Variants in LSAMP observed in about 807,000 individuals in gnomAD.
LSAMP encodes the protein limbic system-associated membrane protein.
In LSAMP, 7 loss-of-function variants were observed where a neutral mutation model predicts 38.6. The ratio of observed to expected loss-of-function variants is 0.18; its 90% CI spans 0.10 to 0.34. The LOEUF is 0.34. LSAMP is among the 10% of genes least tolerant of loss of function. The probability of loss-of-function intolerance (pLI) is 1.00; values close to 1 mark genes in which losing one functional copy is unlikely to be tolerated. For synonymous variants in LSAMP, 154 were observed against 166.8 expected, an observed-to-expected ratio of 0.92 and a Z score of 0.59; for missense variants, 313 against 420.0, an observed-to-expected ratio of 0.75 and a Z score of 2.23.
intron 1 of LSAMP, among the ~76,000 whole-genome samples, chr3:116,263,368 T>G (rs1217065665): frequency 6.6e-6 from 1 of 152,014 alleles, no homozygotes; most frequent in African/African-American, 2.4e-5. Context: ...TGAAACCCCA[T>G]TTCTACTAAA....
intron 6 of LSAMP, among the ~76,000 whole-genome samples, chr3:115,841,406 C>G (rs1195173343): frequency 2.6e-5 from 4 of 152,190 alleles, no homozygotes; most frequent in Non-Finnish European, 5.9e-5. Context: ...TCTCCCTTCT[C>G]TCAGCACCTT....
chr3:115,955,751 AC>A (rs1480175345), intron 3 of LSAMP, among the ~76,000 whole-genome samples: 11 of 152,326 alleles, frequency 7.2e-5, no homozygotes, highest in African/African-American at 2.4e-4. Context: ...TGCTATTCTT[AC>A]AGCACCCACA....
At chr3:116,152,242 C>T (rs1304700131) in intron 1 of LSAMP, among the ~76,000 whole-genome samples, 1 of 152,140 alleles carries the variant, frequency 6.6e-6, no homozygotes, top group Non-Finnish European at 1.5e-5. Context: ...ACAGAAAACA[C>T]ACTGAGGGCA....
At chr3:115,810,888 C>CG (rs1337215430) in intron 6 of LSAMP, among the ~76,000 whole-genome samples, 3 of 152,068 alleles carry the variant, frequency 2.0e-5, no homozygotes, top group Admixed American at 2.0e-4. Flanking sequence ...CCTCTGTCCC[C>CG]GGGGGGAGGC....
intron 3 of LSAMP, among the ~76,000 whole-genome samples, chr3:115,965,080 G>A (rs1232160412): frequency 1.3e-5 from 2 of 151,922 alleles, no homozygotes; most frequent in African/African-American, 4.8e-5. Context: ...ATACCTGATG[G>A]CAAAAAATAC....
At chr3:116,376,680 A>G (rs1202131998) in intron 1 of LSAMP, among the ~76,000 whole-genome samples, 1 of 152,038 alleles carries the variant, frequency 6.6e-6, no homozygotes, top group African/African-American at 2.4e-5. Context: ...GGTATTTTTT[A>G]CTGATGCCAG....
At chr3:116,093,284 A>G (rs1708162759) in intron 1 of LSAMP, among the ~76,000 whole-genome samples, 1 of 152,138 alleles carries the variant, frequency 6.6e-6, no homozygotes, top group South Asian at 2.1e-4. Context: ...GGGTGTTGCT[A>G]AACATCCTAC....
intron 1 of LSAMP, among the ~76,000 whole-genome samples, chr3:116,359,035 C>T (rs1191751729): frequency 2.0e-5 from 3 of 152,178 alleles, no homozygotes; most frequent in South Asian, 2.1e-4. Context: ...CTACACTAAA[C>T]CTAGTTTCTA....
intron 1 of LSAMP, among the ~76,000 whole-genome samples, chr3:116,295,719 T>A (rs1008682788): frequency 3.3e-5 from 5 of 152,148 alleles, no homozygotes; most frequent in African/African-American, 1.2e-4. Flanking sequence ...TGAATTAGAA[T>A]TTAGAAGGGG....
At chr3:116,274,691 T>A (rs2047023228) in intron 1 of LSAMP, among the ~76,000 whole-genome samples, 1 of 152,096 alleles carries the variant, frequency 6.6e-6, no homozygotes, top group African/African-American at 2.4e-5. Flanking sequence ...AATAAGGTGT[T>A]TTACTTCCTT....
chr3:116,224,672 C>A (rs914426629), intron 1 of LSAMP, among the ~76,000 whole-genome samples: 3 of 152,142 alleles, frequency 2.0e-5, no homozygotes, highest in Non-Finnish European at 4.4e-5. Flanking sequence ...AATTTAGACA[C>A]CTGAGAGAAA....
intron 1 of LSAMP, among the ~76,000 whole-genome samples, chr3:116,242,260 C>T (rs1253562600): frequency 2.6e-5 from 4 of 152,114 alleles, no homozygotes; most frequent in African/African-American, 9.7e-5. Context: ...GAGAGCTGAA[C>T]GGCAAAGAGC....
chr3:116,134,333 C>T (rs1709199607), intron 1 of LSAMP, among the ~76,000 whole-genome samples: 2 of 152,106 alleles, frequency 1.3e-5, no homozygotes, highest in Admixed American at 1.3e-4. Context: ...TCACCACCAT[C>T]TTTTCTCTTC....
At chr3:115,964,086 A>G (rs9283564) in intron 3 of LSAMP, among the ~76,000 whole-genome samples, 21,851 of 152,160 alleles carry the variant, frequency 0.14, 1,865 homozygotes, top group Non-Finnish European at 0.2. Flanking sequence ...CATCTCAATT[A>G]CTAGAGTTTT....
rs6781359 is a variant in LSAMP at position 116,118,684 on chromosome 3, T to C, written c.156-32128A>G. Among the ~76,000 whole-genome samples, 1,009 of 152,276 alleles carry C rather than the reference T, an allele frequency of 6.6e-3. 13 individuals are homozygous for C. The highest frequency in any genetic ancestry group is 0.022 in the African/African-American group (923 of 41,548). ...GACCAGAGGCTCTATCTGCTCATCT[T>C]TGTATACACAACACCCACACACATG... On this transcript the variant is annotated intron_variant, in intron 1 of 6. Coordinates refer to ENST00000490035, the MANE Select transcript of LSAMP (RefSeq NM_002338.5).
intron 1 of LSAMP, among the ~76,000 whole-genome samples, chr3:116,110,698 G>A (rs144387401): frequency 0.071 from 10,841 of 152,204 alleles, 1,243 homozygotes; most frequent in African/African-American, 0.25. Flanking sequence ...TCGGTCTGAG[G>A]ACCTGAGGTC....
At chr3:115,960,292 G>A (rs1938583797) in intron 3 of LSAMP, among the ~76,000 whole-genome samples, 1 of 152,176 alleles carries the variant, frequency 6.6e-6, no homozygotes, top group South Asian at 2.1e-4. Context: ...CAACCTACAA[G>A]CCAAGGGAAG....
chr3:116,124,638 AAC>A (rs1164827159), intron 1 of LSAMP, among the ~76,000 whole-genome samples: 1 of 152,194 alleles, frequency 6.6e-6, no homozygotes, highest in Non-Finnish European at 1.5e-5. Flanking sequence ...GAGATTTGAA[AAC>A]ACAAAATGAA....
chr3:116,319,663 G>A (rs1394187026), intron 1 of LSAMP, among the ~76,000 whole-genome samples: 1 of 152,108 alleles, frequency 6.6e-6, no homozygotes, highest in Non-Finnish European at 1.5e-5. Context: ...CTCTGGATCG[G>A]CACCTCTCTA....
Sources: allele counts gnomAD v4.1 joint callset (sites outside exome capture counted in the v4.1 genomes callset), GRCh38; gene constraint gnomAD v4.1.1; transcripts MANE v1.5; gene names NCBI Gene and HGNC (gene_info 2026-07-23, HGNC 2026-07-21).